KNTC1: variants seen among roughly 807,000 people sequenced by gnomAD.
KNTC1 encodes the protein kinetochore-associated protein 1.
KNTC1 carries 253 observed loss-of-function variants against 314.4 expected under a neutral mutation model. That is an observed-to-expected ratio of 0.80 (90% CI 0.73 to 0.89). The LOEUF (loss-of-function observed/expected upper bound fraction) is 0.89. Among genes scored for constraint, KNTC1 ranks in the 40% least tolerant of loss-of-function variants. The pLI is 0.00. For synonymous variants in KNTC1, 901 were observed against 901.4 expected, an observed-to-expected ratio of 1.00 and a Z score of 0.01; for missense variants, 2,475 against 2,572.9, an observed-to-expected ratio of 0.96 and a Z score of 0.82.
intron 33 of KNTC1, among the ~76,000 whole-genome samples, chr12:122,582,296 C>T (rs530474415): frequency 6.0e-4 from 91 of 152,184 alleles, no homozygotes; most frequent in Non-Finnish European, 1.0e-3. Flanking sequence ...TGCGTGCCTG[C>T]AGTCCCAGCT....
Position 122,626,255 on chromosome 12 carries a change from AC to A in KNTC1, c.*28del. On this transcript the variant is annotated 3_prime_UTR_variant, in exon 64 of 64. Transcript: ENST00000333479. Reference sequence around the variant, plus strand: ...TCACTGAACCTTTTTTTCAAGAAGGACAAGAATTTTGGAGTCTGCTATTAAT... The same window carrying A: ...TCACTGAACCTTTTTTTCAAGAAGGAAAGAATTTTGGAGTCTGCTATTAAT... 6.4e-7 allele frequency: 1 copy of A among 1,555,782 alleles called. No individual in the cohort carries two copies. Among genetic ancestry groups the A allele is most frequent in the Non-Finnish European group, 8.8e-7 (1 of 1,133,148 alleles).
At chr12:122,588,510 C>T (rs149841961) in intron 39 of KNTC1, among the ~76,000 whole-genome samples, 62 of 152,308 alleles carry the variant, frequency 4.1e-4, no homozygotes, top group African/African-American at 1.5e-3. Context: ...ACCAACACCA[C>T]AGTGAAGACT....
At chr12:122,547,167 G>A (rs942305488) in intron 10 of KNTC1, among the ~76,000 whole-genome samples, 3 of 151,778 alleles carry the variant, frequency 2.0e-5, no homozygotes, top group Non-Finnish European at 4.4e-5. Context: ...AAGAAGACAC[G>A]TAGGCTAGGC....
chr12:122,559,653 A>G (rs530856364), intron 18 of KNTC1, among the ~76,000 whole-genome samples: 21 of 150,772 alleles, frequency 1.4e-4, no homozygotes, highest in African/African-American at 2.2e-4. Flanking sequence ...GCTCACTGCA[A>G]CCTCCACCTC....
In KNTC1 at chr12:122,538,563, T is replaced by C. The variant is rs1280336415; in HGVS notation, c.366+109T>C. 4 of 637,266 alleles carry C rather than the reference T, an allele frequency of 6.3e-6. No homozygotes were observed. In the African/African-American group the frequency reaches 7.3e-5, roughly 12 times the overall value. 39.5% of individuals were successfully genotyped at this position (637,266 alleles called of 1,614,324 possible). ...TAACATGTGTTTTAAATTAAAGCAA[T>C]GTTTTTTTGAACAATTAAGCTTTGA... is the stretch of plus-strand genomic sequence containing the variant. On this transcript the variant is annotated intron_variant, in intron 4 of 63. Coordinates refer to ENST00000333479, the MANE Select transcript of KNTC1 (RefSeq NM_014708.6).
chr12:122,549,669 C>T (rs1259562422), intron 12 of KNTC1, 97 bp from the exon 13 acceptor site: 2 of 693,184 alleles, frequency 2.9e-6, no homozygotes, highest in Non-Finnish European at 2.6e-6. Flanking sequence ...CCCAGCCGCT[C>T]CCATGTGTTT....
intron 43 of KNTC1, among the ~76,000 whole-genome samples, chr12:122,596,974 A>G (rs1871139287): frequency 6.6e-6 from 1 of 151,544 alleles, no homozygotes; most frequent in Admixed American, 6.6e-5. Flanking sequence ...TTCCTTTTCT[A>G]CTTCTTTAAG....
At chr12:122,625,194 G>C (rs1342288661) in intron 63 of KNTC1, among the ~76,000 whole-genome samples, 1 of 152,164 alleles carries the variant, frequency 6.6e-6, no homozygotes, top group African/African-American at 2.4e-5. Context: ...CCTGAGGCCA[G>C]GAGTTCAAGA....
chr12:122,547,317 G>T (rs1245515233), intron 10 of KNTC1, 98 bp from the exon 11 acceptor site: 3 of 659,484 alleles, frequency 4.5e-6, no homozygotes, highest in Non-Finnish European at 8.0e-6. Flanking sequence ...GGAGGTTGCA[G>T]TGAGCCGAGA....
At position 122,573,009 on chromosome 12, in the gene KNTC1, T is replaced by C; in HGVS notation, c.2092T>C (p.Leu698=). Residue 698 remains leucine (L), a synonymous_variant, in exon 25 of 64, where the codon TTG becomes CTG. Transcript: ENST00000333479. ...LVNNLRELIT[L]HRKYNCKLAL... is the part of the protein sequence containing the mutation. ...AAATAACTTGCGAGAGTTGATCACG[T>C]TGCATAGGAAGTACAACTGCAAATT... 1.9e-6 allele frequency: 3 copies of C among 1,610,980 alleles called. No individual in the cohort carries two copies. Among genetic ancestry groups the C allele is most frequent in the Non-Finnish European group, 2.5e-6 (3 of 1,178,214 alleles).
At chr12:122,573,954 T>C (rs1380828605) in intron 26 of KNTC1, among the ~76,000 whole-genome samples, 1 of 152,186 alleles carries the variant, frequency 6.6e-6, no homozygotes, top group Non-Finnish European at 1.5e-5. Flanking sequence ...CAAAGGGCTA[T>C]TGTGAGACCA....
intron 49 of KNTC1, 52 bp from the exon 50 acceptor site, chr12:122,604,825 C>G: frequency 1.8e-5 from 28 of 1,520,906 alleles, no homozygotes; most frequent in Non-Finnish European, 2.5e-5. Flanking sequence ...TGCTTGGCTT[C>G]AACTGAGGCT....
chr12:122,616,582 A>T (rs1270498983), intron 57 of KNTC1, among the ~76,000 whole-genome samples: 1 of 152,134 alleles, frequency 6.6e-6, no homozygotes, highest in African/African-American at 2.4e-5. Flanking sequence ...TTTTACAGGC[A>T]TGTATGCTAT....
At chr12:122,624,106 C>A (rs533878150) in intron 62 of KNTC1, among the ~76,000 whole-genome samples, 2 of 152,126 alleles carry the variant, frequency 1.3e-5, no homozygotes, top group Non-Finnish European at 2.9e-5. Flanking sequence ...TAACATGTCT[C>A]TTTTTCATAA....
At chr12:122,580,053 A>G (rs1040107561) in intron 32 of KNTC1, 76 bp downstream of exon 32, 1 of 936,974 alleles carries the variant, frequency 1.1e-6, no homozygotes. Flanking sequence ...ATCGAAGACA[A>G]CTCTCACCGT....
intron 16 of KNTC1, 101 bp from the exon 17 acceptor site, chr12:122,557,283 C>G: frequency 8.8e-7 from 1 of 1,134,024 alleles, no homozygotes; most frequent in South Asian, 1.5e-5. Context: ...GAGGATTCAC[C>G]TTTTTGAAGT....
intron 33 of KNTC1, among the ~76,000 whole-genome samples, chr12:122,582,287 G>A (rs917677259): frequency 1.3e-5 from 2 of 152,126 alleles, no homozygotes; most frequent in Non-Finnish European, 2.9e-5. Context: ...GCGTGGTGAT[G>A]CGTGCCTGCA....
chr12:122,621,798 G>T, intron 60 of KNTC1, 83 bp from the exon 61 acceptor site: 1 of 848,708 alleles, frequency 1.2e-6, no homozygotes, highest in Non-Finnish European at 1.9e-6. Context: ...GCACTTAGAA[G>T]AGCAAAATAC....
intron 53 of KNTC1, among the ~76,000 whole-genome samples, chr12:122,612,438 A>G (rs1873266185): frequency 7.5e-6 from 1 of 132,872 alleles, no homozygotes; most frequent in Non-Finnish European, 1.6e-5. Context: ...TTTTTTTGAG[A>G]GAGAGTCTCA....
Sources: allele counts gnomAD v4.1 joint callset (sites outside exome capture counted in the v4.1 genomes callset), GRCh38; gene constraint gnomAD v4.1.1; transcripts MANE v1.5; gene names NCBI Gene and HGNC (gene_info 2026-07-23, HGNC 2026-07-21).